The following NRG1 variants were observed in gnomAD, a reference collection of about 807,000 sequenced individuals.
NRG1 encodes neuregulin 1.
Under a neutral mutation model 63.8 loss-of-function variants are expected in NRG1, and 18 were observed. That is an observed-to-expected ratio of 0.28 (90% CI 0.19 to 0.42). The LOEUF (loss-of-function observed/expected upper bound fraction) is 0.42. Ranked by LOEUF, NRG1 falls within the 10% of genes least tolerant of loss-of-function variation. The pLI, the probability that NRG1 is intolerant of heterozygous loss-of-function variation, is 1.00. For synonymous variants in NRG1, 302 were observed against 301.3 expected (o/e 1.00, Z -0.02); for missense variants, 762 against 814.7 (o/e 0.94, Z 0.79).
intron 1 of NRG1, among the ~76,000 whole-genome samples, chr8:32,096,380 A>G (rs1036764657): frequency 6.6e-6 from 1 of 152,216 alleles, no homozygotes; most frequent in African/African-American, 2.4e-5. Flanking sequence ...ATCAAATCAC[A>G]CACTTAACAT....
rs190679162 is a variant in NRG1, at chr8:31,663,995, G to A, written c.37+24564G>A. Among the ~76,000 whole-genome samples the A allele has an allele frequency of 7.1e-4, 108 of 152,000 alleles. 1 individual carries two copies. The highest frequency in any genetic ancestry group is 2.5e-3 in the African/African-American group (104 of 41,446). Reference sequence around the variant, plus strand: ...TTCTTTTCTTTTTTTTTAGGGGGGCGGTTTTCTTATAGAATAATTACTGGT... The same window carrying A: ...TTCTTTTCTTTTTTTTTAGGGGGGCAGTTTTCTTATAGAATAATTACTGGT... On this transcript the variant is annotated intron_variant, in intron 1 of 10. Transcript: ENST00000519301.
intron 1 of NRG1, among the ~76,000 whole-genome samples, chr8:31,849,379 G>A (rs1481622): frequency 0.12 from 18,532 of 152,204 alleles, 1,286 homozygotes; most frequent in Admixed American, 0.19. Flanking sequence ...TTATGAAAAT[G>A]TCAAGATATC....
chr8:32,430,163 A>T (rs765316603), intron 1 of NRG1, among the ~76,000 whole-genome samples: 1 of 152,146 alleles, frequency 6.6e-6, no homozygotes, highest in Non-Finnish European at 1.5e-5. Context: ...AGCTTGACTC[A>T]TTCAGTGTCA....
intron 1 of NRG1, among the ~76,000 whole-genome samples, chr8:32,018,161 T>A (rs566351013): frequency 7.9e-5 from 12 of 152,320 alleles, no homozygotes; most frequent in Admixed American, 6.5e-4. Flanking sequence ...GTTGTCCAAT[T>A]TTTTCTAAGT....
At chr8:31,667,194 T>C (rs56207445) in intron 1 of NRG1, among the ~76,000 whole-genome samples, 28,340 of 152,132 alleles carry the variant, frequency 0.19, 3,286 homozygotes, top group East Asian at 0.27. Flanking sequence ...ATTAATCAAA[T>C]ACTGATTTAC....
At chr8:32,204,102 A>C (rs1212131951) in intron 1 of NRG1, among the ~76,000 whole-genome samples, 2 of 152,124 alleles carry the variant, frequency 1.3e-5, no homozygotes, top group Non-Finnish European at 2.9e-5. Context: ...TGTTCAAAGG[A>C]GAGAATGGGT....
chr8:32,483,809 G>A (rs1825586248), intron 1 of NRG1, among the ~76,000 whole-genome samples: 1 of 152,138 alleles, frequency 6.6e-6, no homozygotes, highest in Non-Finnish European at 1.5e-5. Flanking sequence ...ACGTTAGAAA[G>A]TTTGGGCAGA....
intron 1 of NRG1, among the ~76,000 whole-genome samples, chr8:31,810,451 A>G (rs1040675116): frequency 6.6e-6 from 1 of 152,182 alleles, no homozygotes; most frequent in Non-Finnish European, 1.5e-5. Context: ...TCTGTTCTAT[A>G]ATTTCTATAA....
chr8:32,498,148 C>T (rs1738713953), intron 1 of NRG1, among the ~76,000 whole-genome samples: 1 of 152,024 alleles, frequency 6.6e-6, no homozygotes, highest in Non-Finnish European at 1.5e-5. Context: ...TATTTATATG[C>T]AAAAGAGCTT....
intron 1 of NRG1, among the ~76,000 whole-genome samples, chr8:31,983,509 A>G (rs1295461528): frequency 6.6e-6 from 1 of 152,022 alleles, no homozygotes; most frequent in Non-Finnish European, 1.5e-5. Context: ...CCTCCAGAGT[A>G]ACTGAGACTA....
chr8:31,653,181 T>G (rs2130894126), intron 1 of NRG1, among the ~76,000 whole-genome samples: 1 of 152,134 alleles, frequency 6.6e-6, no homozygotes, highest in East Asian at 1.9e-4. Context: ...TTGTATTTTC[T>G]AAAGTTTCTA....
intron 1 of NRG1, among the ~76,000 whole-genome samples, chr8:31,939,994 G>A (rs575371790): frequency 1.4e-4 from 22 of 152,158 alleles, no homozygotes; most frequent in Admixed American, 2.6e-4. Context: ...TCCCCTGACA[G>A]CACTAAACTG....
intron 1 of NRG1, among the ~76,000 whole-genome samples, chr8:31,831,124 C>A (rs529819298): frequency 6.3e-4 from 95 of 150,404 alleles, no homozygotes; most frequent in African/African-American, 2.2e-3. Context: ...TTTTTTGAGA[C>A]AGAGTCTCAC....
chr8:32,550,903 T>C (rs558223445), intron 1 of NRG1, among the ~76,000 whole-genome samples: 1 of 152,314 alleles, frequency 6.6e-6, no homozygotes, highest in African/African-American at 2.4e-5. Flanking sequence ...TTCCACCAGA[T>C]TATAATCTTT....
chr8:31,859,227 T>C (rs535449593), intron 1 of NRG1, among the ~76,000 whole-genome samples: 1 of 152,124 alleles, frequency 6.6e-6, no homozygotes, highest in Non-Finnish European at 1.5e-5. Context: ...ATAAAATATA[T>C]AAAATGTGTG....
At chr8:32,364,075 C>CTTTTTTTTTTTTTTT (rs932903875) in intron 1 of NRG1, among the ~76,000 whole-genome samples, 1 of 65,520 alleles carries the variant, frequency 1.5e-5, no homozygotes, top group Non-Finnish European at 2.8e-5. Context: ...TCTGACTAGT[C>CTTTTTTTTTTTTTTT]TTTTTTTTTT....
intron 1 of NRG1, among the ~76,000 whole-genome samples, chr8:32,057,762 G>A (rs542555240): frequency 6.6e-6 from 1 of 152,236 alleles, no homozygotes; most frequent in East Asian, 1.9e-4. Flanking sequence ...AGCCTATGAA[G>A]ATAAAGGGCC....
chr8:32,403,027 A>G, intron 1 of NRG1, among the ~76,000 whole-genome samples: 1 of 151,358 alleles, frequency 6.6e-6, no homozygotes, highest in Admixed American at 6.6e-5. Context: ...GGCCGGGCAC[A>G]GTGGCTCACA....
chr8:32,306,073 TTAA>T (rs1478918563), intron 1 of NRG1, among the ~76,000 whole-genome samples: 2 of 152,188 alleles, frequency 1.3e-5, no homozygotes, highest in Non-Finnish European at 2.9e-5. Flanking sequence ...TCAATAAATA[TTAA>T]TAAAATGACC....
Sources: allele counts gnomAD v4.1 joint callset (sites outside exome capture counted in the v4.1 genomes callset), GRCh38; gene constraint gnomAD v4.1.1; transcripts MANE v1.5; gene names NCBI Gene and HGNC (gene_info 2026-07-23, HGNC 2026-07-21).